The following DTNBP1 variants were observed in gnomAD, a reference collection of about 807,000 sequenced individuals.
The protein encoded by DTNBP1 is dystrobrevin binding protein 1.
DTNBP1 carries 35 observed loss-of-function variants against 42.8 expected under a neutral mutation model. The ratio of observed to expected loss-of-function variants is 0.82; its 90% CI spans 0.63 to 1.09. DTNBP1 has a LOEUF of 1.09. Ranked by LOEUF, DTNBP1 falls within the 50% of genes least tolerant of loss-of-function variation. The pLI is 0.00. For synonymous variants in DTNBP1, 171 were observed against 162.2 expected (o/e 1.05, Z -0.41); for missense variants, 457 against 424.2 (o/e 1.08, Z -0.68).
intron 5 of DTNBP1, among the ~76,000 whole-genome samples, chr6:15,626,528 C>T (rs562581449): frequency 2.0e-5 from 3 of 152,158 alleles, no homozygotes; most frequent in Non-Finnish European, 4.4e-5. Context: ...TTAGCTCATA[C>T]AGACAGCTCC....
At chr6:15,585,865 A>C in intron 7 of DTNBP1, 1 of 1,435,472 alleles carries the variant, frequency 7.0e-7, no homozygotes, top group Non-Finnish European at 9.2e-7. Flanking sequence ...ATGTAGAACA[A>C]AGGAAGTGAG....
chr6:15,637,734 A>C lies in DTNBP1; in HGVS notation c.222+10T>G, dbSNP rs1223469534. ...GTTTGCCACGAGTATAAGATTAGTC[A>C]ATTCTTTACCTCTCCAGCACTTGCA... On this transcript the variant is annotated intron_variant, in intron 4 of 9. Coordinates refer to ENST00000344537, the MANE Select transcript of DTNBP1 (RefSeq NM_032122.5). The C allele has an allele frequency of 1.9e-6, 3 of 1,613,642 alleles. No homozygotes were observed. Among genetic ancestry groups the C allele is most frequent in the Non-Finnish European group, 2.5e-6 (3 of 1,179,888 alleles).
chr6:15,561,634 A>G (rs1774846764), intron 7 of DTNBP1, among the ~76,000 whole-genome samples: 1 of 152,212 alleles, frequency 6.6e-6, no homozygotes, highest in African/African-American at 2.4e-5. Context: ...ATTTCCTTGT[A>G]AAAGGGAAGG....
At chr6:15,601,682 A>T (rs1025134256) in intron 6 of DTNBP1, among the ~76,000 whole-genome samples, 5 of 101,520 alleles carry the variant, frequency 4.9e-5, no homozygotes, top group Admixed American at 9.9e-5. Context: ...CGTCTCTACT[A>T]AAAAAAAAAA....
At chr6:15,554,346 T>C (rs765923169) in intron 7 of DTNBP1, among the ~76,000 whole-genome samples, 2 of 152,190 alleles carry the variant, frequency 1.3e-5, no homozygotes, top group Non-Finnish European at 2.9e-5. Flanking sequence ...GCCTCCCAAG[T>C]AGCTGGAATT....
At chr6:15,625,477 CCTTGTG>C (rs1759286486) in intron 5 of DTNBP1, among the ~76,000 whole-genome samples, 1 of 152,160 alleles carries the variant, frequency 6.6e-6, no homozygotes, top group Non-Finnish European at 1.5e-5. Flanking sequence ...GGAAGGCCTA[CCTTGTG>C]CATTTAAGAA....
chr6:15,631,352 A>G (rs1759683782), intron 4 of DTNBP1, among the ~76,000 whole-genome samples: 1 of 152,192 alleles, frequency 6.6e-6, no homozygotes. Flanking sequence ...ATCCTGAGGT[A>G]GCACAAATTC....
chr6:15,581,238 G>A (rs1208309792), intron 7 of DTNBP1, among the ~76,000 whole-genome samples: 1 of 152,194 alleles, frequency 6.6e-6, no homozygotes, highest in African/African-American at 2.4e-5. Context: ...GGAGGGCAGT[G>A]GCTCCATCTC....
At chr6:15,554,901 C>A (rs1382069122) in intron 7 of DTNBP1, among the ~76,000 whole-genome samples, 1 of 151,978 alleles carries the variant, frequency 6.6e-6, no homozygotes, top group African/African-American at 2.4e-5. Flanking sequence ...GGAAAAAATG[C>A]TGGTCAGTTA....
At chr6:15,651,478 A>C in intron 2 of DTNBP1, 115 bp from the exon 3 acceptor site, 2 of 1,362,810 alleles carry the variant, frequency 1.5e-6, no homozygotes, top group Non-Finnish European at 2.1e-6. Flanking sequence ...AAAATCACTA[A>C]TGACAATTAT....
chr6:15,543,803 C>A (rs1171885844), intron 7 of DTNBP1, among the ~76,000 whole-genome samples: 1 of 152,228 alleles, frequency 6.6e-6, no homozygotes, highest in East Asian at 1.9e-4. Flanking sequence ...AAACTACTCA[C>A]CCTGCCACTC....
chr6:15,594,506 A>T (rs972062117), intron 6 of DTNBP1, among the ~76,000 whole-genome samples: 3 of 152,064 alleles, frequency 2.0e-5, no homozygotes, highest in Admixed American at 6.6e-5. Context: ...ACAAAAACAA[A>T]ACCTGTGTAA....
At chr6:15,644,276 A>AAGACCC (rs1019208265) in intron 3 of DTNBP1, among the ~76,000 whole-genome samples, 1 of 152,168 alleles carries the variant, frequency 6.6e-6, no homozygotes, top group African/African-American at 2.4e-5. Context: ...CCAACATCAC[A>AAGACCC]AGACCCAGAT....
chr6:15,613,506 A>T (rs952854361), intron 6 of DTNBP1, among the ~76,000 whole-genome samples: 1 of 151,352 alleles, frequency 6.6e-6, no homozygotes, highest in Non-Finnish European at 1.5e-5. Context: ...AGCTGGGACT[A>T]CAGGCGCCCG....
chr6:15,606,265 C>A (rs1758045423), intron 6 of DTNBP1, among the ~76,000 whole-genome samples: 1 of 152,162 alleles, frequency 6.6e-6, no homozygotes, highest in Non-Finnish European at 1.5e-5. Context: ...TTTGTAGGGG[C>A]AGGAATGTAT....
At chr6:15,588,328 CT>C (rs1185337310) in intron 7 of DTNBP1, among the ~76,000 whole-genome samples, 1 of 152,140 alleles carries the variant, frequency 6.6e-6, no homozygotes, top group Non-Finnish European at 1.5e-5. Context: ...AGAAAACTTG[CT>C]TTAAAATGCA....
chr6:15,541,831 G>T (rs1773578726), intron 7 of DTNBP1, among the ~76,000 whole-genome samples: 1 of 152,120 alleles, frequency 6.6e-6, no homozygotes, highest in African/African-American at 2.4e-5. Context: ...TTCATTTCAG[G>T]AACATATTCA....
intron 5 of DTNBP1, among the ~76,000 whole-genome samples, chr6:15,620,481 C>A (rs1266717628): frequency 6.6e-6 from 1 of 152,116 alleles, no homozygotes; most frequent in African/African-American, 2.4e-5. Context: ...AGCCACCCCA[C>A]CCAGCCTACA....
intron 3 of DTNBP1, among the ~76,000 whole-genome samples, chr6:15,646,006 CTGTT>C (rs1760658718): frequency 6.6e-6 from 1 of 151,922 alleles, no homozygotes; most frequent in Non-Finnish European, 1.5e-5. Flanking sequence ...TTAATTATCT[CTGTT>C]TGCTGACAAC....
Sources: gnomAD v4.1 joint callset for allele counts (sites outside exome capture counted in the v4.1 genomes callset) on GRCh38, gnomAD v4.1.1 for gene constraint, MANE v1.5 for transcripts, NCBI Gene and HGNC (gene_info 2026-07-23, HGNC 2026-07-21) for gene names.